The following ALK variants were observed in gnomAD, a reference collection of about 807,000 sequenced individuals.
The protein encoded by ALK is ALK receptor tyrosine kinase, also known as ALK tyrosine kinase receptor.
In ALK, 74 loss-of-function variants were observed where a neutral mutation model predicts 163.1. That is an observed-to-expected ratio of 0.45 (90% CI 0.38 to 0.55). ALK has a LOEUF of 0.55. ALK is among the 20% of genes least tolerant of loss of function. The pLI is 0.00. For missense variants in ALK, 2,063 were observed against 2,105.3 expected, an observed-to-expected ratio of 0.98 and a Z score of 0.39; for synonymous variants, 960 against 843.2, an observed-to-expected ratio of 1.14 and a Z score of -2.40.
chr2:29,354,708 G>C (rs1244697729), intron 5 of ALK, among the ~76,000 whole-genome samples: 1 of 151,912 alleles, frequency 6.6e-6, no homozygotes, highest in Non-Finnish European at 1.5e-5. Flanking sequence ...GGCACATGTA[G>C]CTTTCTGGTT....
At chr2:29,439,319 G>A (rs1670478737) in intron 4 of ALK, among the ~76,000 whole-genome samples, 1 of 152,042 alleles carries the variant, frequency 6.6e-6, no homozygotes, top group African/African-American at 2.4e-5. Flanking sequence ...ACAAACGTGG[G>A]TATAAACTCC....
chr2:29,703,686 A>G (rs2541204), intron 2 of ALK, among the ~76,000 whole-genome samples: 98,173 of 152,210 alleles, frequency 0.64, 36,099 homozygotes, highest in Non-Finnish European at 0.82. Context: ...GTGATGGCAC[A>G]TGACCATGAC....
intron 3 of ALK, among the ~76,000 whole-genome samples, chr2:29,624,688 T>C (rs1314215685): frequency 1.3e-5 from 2 of 152,204 alleles, no homozygotes; most frequent in East Asian, 1.9e-4. Context: ...CAAACCACCA[T>C]GGCACACATT....
At chr2:29,759,825 C>T (rs1407516340) in intron 1 of ALK, among the ~76,000 whole-genome samples, 1 of 152,190 alleles carries the variant, frequency 6.6e-6, no homozygotes, top group Non-Finnish European at 1.5e-5. Flanking sequence ...GCCATTGTCA[C>T]ATTAATTCAT....
At chr2:29,561,401 C>A (rs935369964) in intron 3 of ALK, among the ~76,000 whole-genome samples, 1 of 152,170 alleles carries the variant, frequency 6.6e-6, no homozygotes, top group Non-Finnish European at 1.5e-5. Context: ...CCTGGCTATA[C>A]AACAGTAGCC....
intron 5 of ALK, among the ~76,000 whole-genome samples, chr2:29,342,301 T>C (rs765654876): frequency 2.0e-5 from 3 of 152,234 alleles, no homozygotes; most frequent in Non-Finnish European, 2.9e-5. Flanking sequence ...TGCTTCCATA[T>C]GGATGAACCT....
At chr2:29,455,431 C>T (rs4666215) in intron 4 of ALK, among the ~76,000 whole-genome samples, 25,048 of 152,004 alleles carry the variant, frequency 0.16, 2,273 homozygotes, top group East Asian at 0.35. Flanking sequence ...GTCCTGTGTG[C>T]GGGGGACAGA....
At chr2:29,233,428 G>T in intron 14 of ALK, 137 bp downstream of exon 14, 1 of 1,279,762 alleles carries the variant, frequency 7.8e-7, no homozygotes, top group South Asian at 1.2e-5. Flanking sequence ...TTACAGGAAT[G>T]AGCCACTGTA....
intron 3 of ALK, among the ~76,000 whole-genome samples, chr2:29,533,928 C>G (rs2148160424): frequency 6.6e-6 from 1 of 152,146 alleles, no homozygotes; most frequent in Admixed American, 6.5e-5. Context: ...GACCCTTGAG[C>G]CAGGTCTTAC....
intron 1 of ALK, among the ~76,000 whole-genome samples, chr2:29,838,054 C>G (rs2148392725): frequency 6.6e-6 from 1 of 152,056 alleles, no homozygotes; most frequent in Admixed American, 6.5e-5. Flanking sequence ...AATTCTAGAA[C>G]AGAGAAATAC....
rs6754837 is a variant in ALK at position 29,207,599 on chromosome 2, A to G, written c.3837-327T>C. Among the ~76,000 whole-genome samples, 3,609 of 152,300 alleles carry G rather than the reference A, an allele frequency of 0.024. 145 individuals are homozygous for G. The highest frequency in any genetic ancestry group is 0.083 in the African/African-American group (3,431 of 41,554). On this transcript the variant is annotated intron_variant, in intron 25 of 28. Coordinates refer to ENST00000389048, the MANE Select transcript of ALK (RefSeq NM_004304.5). ...GCTCACAATGAATAACATTACTCCA[A>G]CCTTATAAGTATAGTGTGTTTCTGA...
Position 29,889,691 on chromosome 2 carries a change from TAGACAG to T in ALK, c.667+30296_667+30301del, listed in dbSNP as rs1667089599. Reference sequence around the variant, plus strand: ...ATCTATCTGTATCTATATAGATAGATAGACAGAGAGAGAGAGAGAGAGAGAGAGAGA... The same window carrying T: ...ATCTATCTGTATCTATATAGATAGATAGAGAGAGAGAGAGAGAGAGAGAGA... On this transcript the variant is annotated intron_variant, in intron 1 of 28. Transcript: ENST00000389048. Among the ~76,000 whole-genome samples, 4 of 23,306 alleles carry T rather than the reference TAGACAG, an allele frequency of 1.7e-4. 1 individual carries two copies. Among genetic ancestry groups the T allele is most frequent in the Non-Finnish European group, 5.0e-4 (4 of 8,016 alleles). 15.3% of individuals were successfully genotyped at this position (23,306 alleles called of 152,430 possible).
intron 26 of ALK, among the ~76,000 whole-genome samples, chr2:29,200,915 C>T (rs1043504511): frequency 5.4e-5 from 8 of 149,312 alleles, no homozygotes; most frequent in Admixed American, 1.3e-4. Flanking sequence ...TAAACTTGCT[C>T]TGCCTGGAAT....
chr2:29,756,596 G>A (rs539017428), intron 1 of ALK, among the ~76,000 whole-genome samples: 33 of 148,488 alleles, frequency 2.2e-4, no homozygotes, highest in East Asian at 2.0e-4. Context: ...GCAGTGGCAC[G>A]ATCTCGGCTC....
intron 9 of ALK, among the ~76,000 whole-genome samples, 156 bp downstream of exon 9, chr2:29,296,732 T>C (rs964078492): frequency 1.6e-4 from 25 of 152,078 alleles, no homozygotes; most frequent in Admixed American, 1.6e-3. Context: ...AGTGTGTGTG[T>C]GTGTGTGTGC....
At chr2:29,372,931 C>G (rs1459035419) in intron 5 of ALK, among the ~76,000 whole-genome samples, 2 of 152,194 alleles carry the variant, frequency 1.3e-5, no homozygotes, top group Non-Finnish European at 2.9e-5. Context: ...TCTAAAGTGA[C>G]ATTTCTCTGA....
At chr2:29,668,273 A>G (rs754224126) in intron 3 of ALK, among the ~76,000 whole-genome samples, 123 of 150,800 alleles carry the variant, frequency 8.2e-4, no homozygotes, top group Middle Eastern at 3.5e-3. Flanking sequence ...AGTTTCATTT[A>G]TTTCTGCTCT....
intron 1 of ALK, among the ~76,000 whole-genome samples, chr2:29,854,064 C>T (rs113527433): frequency 3.9e-5 from 6 of 152,046 alleles, no homozygotes; most frequent in African/African-American, 1.4e-4. Flanking sequence ...TTTGAGCCAC[C>T]GCACCCGGCC....
At chr2:29,712,629 T>A (rs1216462124) in intron 2 of ALK, among the ~76,000 whole-genome samples, 2 of 151,202 alleles carry the variant, frequency 1.3e-5, no homozygotes, top group South Asian at 2.1e-4. Context: ...TTTTTTTTTT[T>A]GAGAGAGAGA....
Sources: allele counts gnomAD v4.1 joint callset (sites outside exome capture counted in the v4.1 genomes callset), GRCh38; gene constraint gnomAD v4.1.1; transcripts MANE v1.5; gene names NCBI Gene and HGNC (gene_info 2026-07-23, HGNC 2026-07-21).